Variants in UTRN observed in about 807,000 individuals in gnomAD.
UTRN encodes dystrophin-related protein 1.
UTRN carries 283 observed loss-of-function variants against 463.9 expected under a neutral mutation model. The observed-to-expected ratio is 0.61, with a 90% CI of 0.55 to 0.67. UTRN has a LOEUF of 0.67. Ranked by LOEUF, UTRN falls within the 30% of genes least tolerant of loss-of-function variation. The pLI, the probability that UTRN is intolerant of heterozygous loss-of-function variation, is 0.00. For missense variants in UTRN, 3,922 were observed against 4,084.3 expected (o/e 0.96, Z 1.08); for synonymous variants, 1,442 against 1,431.5 (o/e 1.01, Z -0.17).
chr6:144,300,968 A>G (rs1348959377), intron 2 of UTRN, among the ~76,000 whole-genome samples: 1 of 152,214 alleles, frequency 6.6e-6, no homozygotes, highest in Non-Finnish European at 1.5e-5. Context: ...TTAAAATTTA[A>G]AATGTAAATA....
At chr6:144,591,796 A>G (rs985411898) in intron 51 of UTRN, among the ~76,000 whole-genome samples, 9 of 151,696 alleles carry the variant, frequency 5.9e-5, no homozygotes. Context: ...TTATAGCCGG[A>G]AAAAAAAAGT....
chr6:144,795,194 C>A (rs1038552835), intron 63 of UTRN, among the ~76,000 whole-genome samples: 1 of 152,188 alleles, frequency 6.6e-6, no homozygotes, highest in Non-Finnish European at 1.5e-5. Context: ...CTGCAAGGGA[C>A]ATGGACTCAT....
chr6:144,534,791 C>T (rs1177808960), intron 43 of UTRN, among the ~76,000 whole-genome samples: 1 of 152,072 alleles, frequency 6.6e-6, no homozygotes, highest in East Asian at 1.9e-4. Flanking sequence ...AGATATGATG[C>T]GCTGTGGAAT....
chr6:144,697,338 TC>T (rs1230745517), intron 52 of UTRN, among the ~76,000 whole-genome samples: 1 of 152,172 alleles, frequency 6.6e-6, no homozygotes, highest in Non-Finnish European at 1.5e-5. Flanking sequence ...TCACTAGTTA[TC>T]AATAGTCTTA....
At chr6:144,435,481 T>C (rs1266717136) in intron 9 of UTRN, among the ~76,000 whole-genome samples, 2 of 152,250 alleles carry the variant, frequency 1.3e-5, no homozygotes, top group African/African-American at 2.4e-5. Flanking sequence ...AAAAGCAATT[T>C]ACCTAAGGGT....
chr6:144,539,244 T>A (rs1390806902), intron 44 of UTRN, 50 bp from the exon 45 acceptor site: 1 of 1,499,776 alleles, frequency 6.7e-7, no homozygotes, highest in Non-Finnish European at 8.9e-7. Context: ...TTCTTGAATT[T>A]TCCCTTATCT....
chr6:144,638,515 G>A (rs1777422901), intron 51 of UTRN, among the ~76,000 whole-genome samples: 1 of 152,168 alleles, frequency 6.6e-6, no homozygotes, highest in Non-Finnish European at 1.5e-5. Context: ...GTTTAACAGT[G>A]AAAGAAGTCA....
intron 74 of UTRN, among the ~76,000 whole-genome samples, chr6:144,850,185 T>C (rs1782367453): frequency 6.6e-6 from 1 of 152,200 alleles, no homozygotes; most frequent in Admixed American, 6.5e-5. Flanking sequence ...CAGAGTCAAA[T>C]GAGTTTGCTG....
intron 51 of UTRN, among the ~76,000 whole-genome samples, chr6:144,667,206 C>T (rs1179357986): frequency 2.6e-5 from 4 of 152,026 alleles, no homozygotes; most frequent in Admixed American, 2.6e-4. Flanking sequence ...AGACATGCAC[C>T]ACCACACCCA....
intron 2 of UTRN, among the ~76,000 whole-genome samples, chr6:144,361,900 C>T (rs1208068791): frequency 6.6e-6 from 1 of 151,954 alleles, no homozygotes; most frequent in African/African-American, 2.4e-5. Flanking sequence ...AGACACCTCA[C>T]CCAGCCAGAA....
chr6:144,674,554 G>GT (rs1023783479), intron 51 of UTRN, among the ~76,000 whole-genome samples: 4 of 151,478 alleles, frequency 2.6e-5, no homozygotes, highest in Non-Finnish European at 5.9e-5. Context: ...AACCTGTGTT[G>GT]TTTTTTTAAT....
At chr6:144,500,984 G>C (rs557889315) in intron 34 of UTRN, among the ~76,000 whole-genome samples, 3 of 152,328 alleles carry the variant, frequency 2.0e-5, no homozygotes, top group Admixed American at 1.3e-4. Flanking sequence ...ACCCTCTACA[G>C]CTCTACACGT....
In UTRN at chr6:144,475,061, ATTTC is replaced by A. The variant is rs771166985; in HGVS notation, c.3336+305_3336+308del. Among the ~76,000 whole-genome samples, 127 of 152,282 alleles carry A rather than the reference ATTTC, an allele frequency of 8.3e-4. 1 individual carries two copies. The highest frequency in any genetic ancestry group is 8.3e-4 in the South Asian group (4 of 4,826). ...GGGACCATTTATTTACTTAGCAAATATTTCTTAATCAGTTGCCACCTGTCAAGCA... is the reference window on the plus strand; with the variant it reads ...GGGACCATTTATTTACTTAGCAAATATTAATCAGTTGCCACCTGTCAAGCA... On this transcript the variant is annotated intron_variant, in intron 25 of 74. Transcript: ENST00000367545.
intron 47 of UTRN, among the ~76,000 whole-genome samples, chr6:144,550,637 A>C (rs769829534): frequency 6.6e-6 from 1 of 152,108 alleles, no homozygotes; most frequent in African/African-American, 2.4e-5. Flanking sequence ...GGCATTTTTC[A>C]GCTTTTGAAG....
intron 2 of UTRN, among the ~76,000 whole-genome samples, chr6:144,321,631 G>A (rs1231977452): frequency 9.2e-5 from 14 of 151,522 alleles, no homozygotes; most frequent in African/African-American, 2.7e-4. Context: ...CACCATGCCC[G>A]GCTAATTTTT....
chr6:144,569,860 C>A (rs9484887), intron 50 of UTRN, among the ~76,000 whole-genome samples: 1 of 152,088 alleles, frequency 6.6e-6, no homozygotes, highest in Non-Finnish European at 1.5e-5. Context: ...ACTTTACCTG[C>A]TGTTGCTGGA....
chr6:144,660,057 C>T (rs938359177), intron 51 of UTRN: 4 of 358,230 alleles, frequency 1.1e-5, no homozygotes, highest in East Asian at 1.5e-4. Flanking sequence ...AATGTCCCAG[C>T]GCAAGCTGCC....
intron 65 of UTRN, among the ~76,000 whole-genome samples, chr6:144,817,332 G>C (rs965246828): frequency 6.6e-6 from 1 of 152,078 alleles, no homozygotes; most frequent in Non-Finnish European, 1.5e-5. Context: ...AATCTTCCAA[G>C]AAATGCATTT....
intron 54 of UTRN, among the ~76,000 whole-genome samples, chr6:144,747,285 G>C (rs927076529): frequency 6.6e-6 from 1 of 152,240 alleles, no homozygotes; most frequent in Admixed American, 6.5e-5. Flanking sequence ...GCAGTGGACA[G>C]TTGGATACCA....
Sources: gnomAD v4.1 joint callset for allele counts (sites outside exome capture counted in the v4.1 genomes callset) on GRCh38, gnomAD v4.1.1 for gene constraint, MANE v1.5 for transcripts, NCBI Gene and HGNC (gene_info 2026-07-23, HGNC 2026-07-21) for gene names.